The following HIVEP3 variants were observed in gnomAD, a reference collection of about 807,000 sequenced individuals.
HIVEP3 encodes the protein transcription factor HIVEP3.
In HIVEP3, 49 loss-of-function variants were observed where a neutral mutation model predicts 152.8. The observed-to-expected ratio is 0.32, with a 90% CI of 0.26 to 0.41. The LOEUF (loss-of-function observed/expected upper bound fraction) is 0.41, where lower values mean the gene tolerates loss of function less well. HIVEP3 is among the 10% of genes least tolerant of loss of function. The pLI is 1.00. For missense variants in HIVEP3, 2,790 were observed against 3,103.3 expected (o/e 0.90, Z 2.40); for synonymous variants, 1,269 against 1,289.0 (o/e 0.98, Z 0.33).
chr1:41,746,015 C>G (rs1237886243), intron 1 of HIVEP3, among the ~76,000 whole-genome samples: 1 of 152,196 alleles, frequency 6.6e-6, no homozygotes, highest in African/African-American at 2.4e-5. Flanking sequence ...CACCAGCAGC[C>G]AGCCCCTGGC....
chr1:41,740,370 G>A (rs776759160), intron 1 of HIVEP3, among the ~76,000 whole-genome samples: 13 of 152,252 alleles, frequency 8.5e-5, no homozygotes, highest in Non-Finnish European at 1.9e-4. Context: ...TGGCTTCTCT[G>A]CCGCTCTTCT....
Position 41,511,307 on chromosome 1 carries a change from T to G in HIVEP3, c.6406-41A>C. ...AAGACAAGGTAAGGTGAAGGTTACA[T>G]GCTGGGCACATGGGGAGCCGAGGCC... On this transcript the variant is annotated intron_variant, in intron 8 of 8. Coordinates refer to ENST00000372583, the MANE Select transcript of HIVEP3 (RefSeq NM_024503.5). This position sits in a 1 kb window ranked among gnomAD's most constrained non-coding sequence, Gnocchi z 4.9. The G allele has an allele frequency of 2.0e-6, 3 of 1,503,776 alleles. No homozygotes were observed. Among genetic ancestry groups the G allele is most frequent in the Non-Finnish European group, 2.7e-6 (3 of 1,116,192 alleles). 93.2% of individuals were successfully genotyped at this position (1,503,776 alleles called of 1,614,324 possible).
intron 6 of HIVEP3, 71 bp from the exon 7 acceptor site, chr1:41,518,559 G>T (rs1642673861): frequency 2.2e-6 from 3 of 1,380,004 alleles, no homozygotes; most frequent in Non-Finnish European, 2.1e-6. Context: ...GGCTCATGGA[G>T]GTAGCACCTG....
chr1:41,510,947 C>A lies in HIVEP3; in HGVS notation c.6725G>T (p.Gly2242Val). Residue 2242 changes from glycine (G) to valine (V), a missense_variant, in exon 9 of 9, where the codon GGC becomes GTC. Around this residue, in one of 9 missense-constraint regions of HIVEP3, gnomAD observed 816 missense variants for 806.5 expected, o/e 1.01. Coordinates refer to ENST00000372583, the MANE Select transcript of HIVEP3 (RefSeq NM_024503.5). ...CGAGCTCTCAGTGGGACTCCAGCGG[C>A]CTCGCTCCTGGGCCTCCCGGGCCCC... The part of the protein sequence containing the change: ...LTGAREAQER[G>V]RWSPTESSSA... The A allele has an allele frequency of 6.2e-7, 1 of 1,613,580 alleles. No homozygotes were observed. The highest frequency in any genetic ancestry group is 8.5e-7 in the Non-Finnish European group (1 of 1,179,864).
intron 1 of HIVEP3, among the ~76,000 whole-genome samples, chr1:41,841,855 C>T (rs1042797997): frequency 1.3e-5 from 2 of 152,048 alleles, no homozygotes; most frequent in Non-Finnish European, 2.9e-5. Context: ...TTTGGGAAGC[C>T]GAGGCAGGTG....
chr1:41,991,881 G>T (rs1184740196), intron 1 of HIVEP3, among the ~76,000 whole-genome samples: 3 of 124,706 alleles, frequency 2.4e-5, no homozygotes, highest in South Asian at 3.0e-4. Context: ...CATATAAACA[G>T]AGCCAAAGAC....
chr1:41,665,592 G>A (rs1465297781), intron 2 of HIVEP3, among the ~76,000 whole-genome samples: 1 of 149,982 alleles, frequency 6.7e-6, no homozygotes, highest in Non-Finnish European at 1.5e-5. Context: ...GTGGAGTAGG[G>A]GCATACAAGA....
At chr1:41,689,582 T>C (rs1490890073) in intron 2 of HIVEP3, among the ~76,000 whole-genome samples, 2 of 152,168 alleles carry the variant, frequency 1.3e-5, no homozygotes, top group African/African-American at 4.8e-5. Flanking sequence ...TGAAAAGCCT[T>C]CTGACACTGT....
At chr1:41,748,814 G>C (rs1647111762) in intron 1 of HIVEP3, among the ~76,000 whole-genome samples, 1 of 152,206 alleles carries the variant, frequency 6.6e-6, no homozygotes, top group Non-Finnish European at 1.5e-5. Flanking sequence ...GGTCCTTCAG[G>C]CTTCTTATTT....
intron 1 of HIVEP3, among the ~76,000 whole-genome samples, chr1:41,971,896 T>C (rs1645231928): frequency 6.6e-6 from 1 of 152,222 alleles, no homozygotes; most frequent in Non-Finnish European, 1.5e-5. Flanking sequence ...TTACCCTTCC[T>C]GTCCCTTCTA....
In HIVEP3 at chr1:41,582,095, C is replaced by T. The variant is rs1433878443; in HGVS notation, c.2703G>A (p.Leu901=). 2 of 1,614,180 alleles carry T rather than the reference C, an allele frequency of 1.2e-6. No homozygotes were observed. The highest frequency in any genetic ancestry group is 1.7e-5 in the Admixed American group (1 of 60,024). ...GGCGCAACCTCTTCTTTTTGGGTGGCAGCTTCTCAGCTGGGAGCTGGGCAA... is the reference window on the plus strand; with the variant it reads ...GGCGCAACCTCTTCTTTTTGGGTGGTAGCTTCTCAGCTGGGAGCTGGGCAA... ...QTLAQLPAEK[L]PPKKKRLRLA... is the part of the protein sequence containing the mutation. The change falls in exon 4 of 9, where the codon CTG becomes CTA. Residue 901 remains leucine (L), a synonymous_variant. Transcript: ENST00000372583. This position sits in a 1 kb window ranked among gnomAD's most constrained non-coding sequence, Gnocchi z 4.7.
At chr1:41,718,502 C>T (rs1261119627) in intron 1 of HIVEP3, among the ~76,000 whole-genome samples, 1 of 152,184 alleles carries the variant, frequency 6.6e-6, no homozygotes, top group Non-Finnish European at 1.5e-5. Flanking sequence ...AGTGAGACTT[C>T]AATAACACTG....
intron 2 of HIVEP3, among the ~76,000 whole-genome samples, chr1:41,698,683 G>T (rs949238168): frequency 6.6e-6 from 1 of 152,012 alleles, no homozygotes; most frequent in Non-Finnish European, 1.5e-5. Flanking sequence ...TTCTCCACTG[G>T]GGCCCCATGA....
intron 1 of HIVEP3, among the ~76,000 whole-genome samples, chr1:41,952,429 C>CATTA (rs1645113839): frequency 6.6e-6 from 1 of 151,316 alleles, no homozygotes; most frequent in African/African-American, 2.4e-5. Flanking sequence ...TTTGTTCATT[C>CATTA]ATTCATTCAT....
At chr1:41,652,513 C>A (rs1464483434) in intron 2 of HIVEP3, among the ~76,000 whole-genome samples, 1 of 152,118 alleles carries the variant, frequency 6.6e-6, no homozygotes, top group Non-Finnish European at 1.5e-5. Flanking sequence ...AAAGTGGAGG[C>A]TGAGGCAGGG....
intron 6 of HIVEP3, among the ~76,000 whole-genome samples, chr1:41,523,002 C>T (rs1010210422): frequency 2.0e-5 from 3 of 152,178 alleles, no homozygotes; most frequent in African/African-American, 4.8e-5. Flanking sequence ...CCCTGGAGCT[C>T]GGGGCCCGTG....
At chr1:41,998,887 CTCTTTT>C (rs1228192742) in intron 1 of HIVEP3, among the ~76,000 whole-genome samples, 929 of 77,174 alleles carry the variant, frequency 0.012, 4 homozygotes, top group African/African-American at 0.054. Context: ...TTTTCTCTCT[CTCTTTT>C]TTTTTTTTTT....
chr1:41,989,594 G>T (rs932008968), intron 1 of HIVEP3, among the ~76,000 whole-genome samples: 1 of 152,104 alleles, frequency 6.6e-6, no homozygotes, highest in Non-Finnish European at 1.5e-5. Context: ...GAAAAAGGCA[G>T]CCCTAGCTGC....
At chr1:41,981,859 G>A (rs189772566) in intron 1 of HIVEP3, among the ~76,000 whole-genome samples, 2 of 152,330 alleles carry the variant, frequency 1.3e-5, no homozygotes, top group Admixed American at 6.5e-5. Context: ...CTTCAGTCTC[G>A]TGGCAAGTTC....
Sources: allele counts gnomAD v4.1 joint callset (sites outside exome capture counted in the v4.1 genomes callset), GRCh38; gene constraint gnomAD v4.1.1; regional missense constraint gnomAD v4.1.1; non-coding constraint Gnocchi (gnomAD v3.1); transcripts MANE v1.5; gene names NCBI Gene and HGNC (gene_info 2026-07-23, HGNC 2026-07-21).